FRMD3: variants seen among roughly 807,000 people sequenced by gnomAD.
FRMD3 encodes FERM domain containing 3.
FRMD3 carries 33 observed loss-of-function variants against 70.2 expected under a neutral mutation model. The ratio of observed to expected loss-of-function variants is 0.47; its 90% CI spans 0.36 to 0.63. The LOEUF (loss-of-function observed/expected upper bound fraction) is 0.63, where lower values mean the gene tolerates loss of function less well. Among genes scored for constraint, FRMD3 ranks in the 20% least tolerant of loss-of-function variants. The pLI, the probability that FRMD3 is intolerant of heterozygous loss-of-function variation, is 0.00. For synonymous variants in FRMD3, 279 were observed against 255.9 expected, an observed-to-expected ratio of 1.09 and a Z score of -0.86; for missense variants, 632 against 711.4, an observed-to-expected ratio of 0.89 and a Z score of 1.27.
chr9:83,277,120 T>C (rs1833819811), intron 13 of FRMD3, among the ~76,000 whole-genome samples: 1 of 152,234 alleles, frequency 6.6e-6, no homozygotes, highest in South Asian at 2.1e-4. Context: ...TTTTTGCATA[T>C]TTATGTGGTA....
chr9:83,466,013 G>T (rs7855690), intron 1 of FRMD3, among the ~76,000 whole-genome samples: 59,053 of 152,000 alleles, frequency 0.39, 11,904 homozygotes, highest in Middle Eastern at 0.49. Flanking sequence ...CCTCATCTCC[G>T]TTCACATCCA....
chr9:83,421,836 A>G (rs941452279), intron 1 of FRMD3, among the ~76,000 whole-genome samples: 1 of 152,220 alleles, frequency 6.6e-6, no homozygotes, highest in African/African-American at 2.4e-5. Flanking sequence ...CAAACTAACC[A>G]CTAAAGTCAG....
At position 83,369,576 on chromosome 9, in the gene FRMD3, CAAAATAAA is replaced by C. The variant is rs1269860547; in HGVS notation, c.295+3329_295+3336del. ...TGGATGACAGAGTGAGACTCTGTCT[CAAAATAAA>C]TAAATAAATAAATAAATAAATAAAT... On this transcript the variant is annotated intron_variant, in intron 3 of 13. Coordinates refer to ENST00000304195, the MANE Select transcript of FRMD3 (RefSeq NM_174938.6). 1.4e-3 allele frequency among the ~76,000 whole-genome samples: 135 copies of C among 99,782 alleles called. 1 individual carries two copies. The highest frequency in any genetic ancestry group is 4.2e-3 in the African/African-American group (111 of 26,392). 65.5% of individuals were successfully genotyped at this position (99,782 alleles called of 152,430 possible). A position where few individuals can be genotyped will look rare whatever the true frequency, so the allele number is the denominator to read the frequency against.
intron 2 of FRMD3, among the ~76,000 whole-genome samples, chr9:83,387,897 A>C (rs536202975): frequency 6.6e-5 from 10 of 152,296 alleles, no homozygotes; most frequent in Admixed American, 1.3e-4. Flanking sequence ...GAGGTCTGGA[A>C]TAGGGTTCAC....
chr9:83,505,823 G>A (rs530398327), intron 1 of FRMD3, among the ~76,000 whole-genome samples: 14 of 152,248 alleles, frequency 9.2e-5, no homozygotes, highest in African/African-American at 3.1e-4. Flanking sequence ...TTCCTGCATC[G>A]CATGTTTACA....
intron 1 of FRMD3, among the ~76,000 whole-genome samples, chr9:83,418,216 C>T (rs966280410): frequency 1.3e-5 from 2 of 151,880 alleles, no homozygotes; most frequent in East Asian, 1.9e-4. Flanking sequence ...ACATCAACCT[C>T]GGCAAAGAAT....
chr9:83,493,975 G>A (rs986021777), intron 1 of FRMD3, among the ~76,000 whole-genome samples: 1 of 152,166 alleles, frequency 6.6e-6, no homozygotes, highest in Non-Finnish European at 1.5e-5. Flanking sequence ...GATCTCATGC[G>A]CTACACTTAT....
intron 1 of FRMD3, among the ~76,000 whole-genome samples, chr9:83,392,725 C>T (rs73648545): frequency 0.028 from 4,239 of 152,214 alleles, 196 homozygotes; most frequent in African/African-American, 0.091. Flanking sequence ...GAGCCCCGGG[C>T]GAGACAATAG....
intron 1 of FRMD3, among the ~76,000 whole-genome samples, chr9:83,467,364 A>G (rs1828155773): frequency 1.3e-5 from 2 of 152,184 alleles, no homozygotes; most frequent in East Asian, 3.9e-4. Flanking sequence ...ATTTGGAGAA[A>G]TGTTCCTCTA....
rs143479486 is a variant in FRMD3 at position 83,493,226 on chromosome 9, T to C, written c.147+44859A>G. On this transcript the variant is annotated intron_variant, in intron 1 of 13. Coordinates refer to ENST00000304195, the MANE Select transcript of FRMD3 (RefSeq NM_174938.6). ...GGGCTATGTTGGTGGCAGGGCCCCTTTTCTAAACTGACACTTTTCAGTAAG... is the reference window on the plus strand; with the variant it reads ...GGGCTATGTTGGTGGCAGGGCCCCTCTTCTAAACTGACACTTTTCAGTAAG... Among the ~76,000 whole-genome samples, 378 of 152,252 alleles carry C rather than the reference T, an allele frequency of 2.5e-3. 1 individual carries two copies. Among genetic ancestry groups the C allele is most frequent in the African/African-American group, 8.5e-3 (352 of 41,548 alleles).
At chr9:83,516,468 A>C (rs890889532) in intron 1 of FRMD3, among the ~76,000 whole-genome samples, 1 of 152,216 alleles carries the variant, frequency 6.6e-6, no homozygotes, top group African/African-American at 2.4e-5. Context: ...CCAGATTCAT[A>C]AAGCAAGTTC....
intron 1 of FRMD3, among the ~76,000 whole-genome samples, chr9:83,471,095 TC>T (rs1454251424): frequency 6.6e-6 from 1 of 152,126 alleles, no homozygotes; most frequent in Non-Finnish European, 1.5e-5. Context: ...GAAGGTGACA[TC>T]CCTCTGCCTC....
chr9:83,284,380 C>T (rs1156557658), intron 13 of FRMD3, among the ~76,000 whole-genome samples: 2 of 152,234 alleles, frequency 1.3e-5, no homozygotes, highest in East Asian at 1.9e-4. Context: ...GAGGCCGAGG[C>T]GGGCAGATCA....
At chr9:83,363,553 CTTTTT>C (rs34789292) in intron 3 of FRMD3, among the ~76,000 whole-genome samples, 135 of 113,332 alleles carry the variant, frequency 1.2e-3, no homozygotes, top group African/African-American at 3.1e-3. Flanking sequence ...GAGACATAGG[CTTTTT>C]TTTTTTTTTT....
chr9:83,446,689 C>T (rs1293939542), intron 1 of FRMD3, among the ~76,000 whole-genome samples: 3 of 150,128 alleles, frequency 2.0e-5, no homozygotes, highest in South Asian at 2.1e-4. Flanking sequence ...TCTGCTGCGA[C>T]GTCCACACGG....
At chr9:83,416,737 T>TTCTCTCTGTCTCTCTGTCTCTCTCTCTC (rs1826453290) in intron 1 of FRMD3, among the ~76,000 whole-genome samples, 30 of 80,968 alleles carry the variant, frequency 3.7e-4, no homozygotes, top group African/African-American at 1.3e-3. Context: ...CCTAAAACAT[T>TTCTCTCTGTCTCTCTGTCTCTCTCTCTC]TCTCTCTGTC....
In FRMD3 at chr9:83,245,410, T is replaced by G; in HGVS notation, c.*2508A>C. 2 of 985,430 alleles carry G rather than the reference T, an allele frequency of 2.0e-6. No homozygotes were observed. Among genetic ancestry groups the G allele is most frequent in the Non-Finnish European group, 2.4e-6 (2 of 829,914 alleles). 61.0% of individuals were successfully genotyped at this position (985,430 alleles called of 1,614,324 possible). Reference sequence around the variant, plus strand: ...TGCCGAGCAAATGGCATTTCAAGATTCCAGTTTAACTTTTGATGGCTGTTT... The same window carrying G: ...TGCCGAGCAAATGGCATTTCAAGATGCCAGTTTAACTTTTGATGGCTGTTT... On this transcript the variant is annotated 3_prime_UTR_variant, in exon 14 of 14. Coordinates refer to ENST00000304195, the MANE Select transcript of FRMD3 (RefSeq NM_174938.6).
chr9:83,319,422 A>C (rs1418608144), intron 6 of FRMD3, among the ~76,000 whole-genome samples: 2 of 151,784 alleles, frequency 1.3e-5, no homozygotes, highest in African/African-American at 4.8e-5. Context: ...TTTTCCCAGG[A>C]TTATTTATTT....
chr9:83,446,987 GTTTTTGTTT>G (rs1362198535), intron 1 of FRMD3, among the ~76,000 whole-genome samples: 6 of 139,092 alleles, frequency 4.3e-5, no homozygotes, highest in African/African-American at 1.4e-4. Flanking sequence ...GCAGATCAGG[GTTTTTGTTT>G]TGTTTTGTTT....
Sources: gnomAD v4.1 joint callset for allele counts (sites outside exome capture counted in the v4.1 genomes callset) on GRCh38, gnomAD v4.1.1 for gene constraint, MANE v1.5 for transcripts, NCBI Gene and HGNC (gene_info 2026-07-23, HGNC 2026-07-21) for gene names.